Variants in TMEM255B observed in about 807,000 individuals in gnomAD.
The protein encoded by TMEM255B is transmembrane protein 255B.
In TMEM255B, 35 loss-of-function variants were observed where a neutral mutation model predicts 34.5. That is an observed-to-expected ratio of 1.01 (90% CI 0.77 to 1.34). The LOEUF is 1.34. Among genes scored for constraint, TMEM255B ranks in the 40% most tolerant of loss-of-function variants. The probability of loss-of-function intolerance (pLI) is 0.00; values close to 1 mark genes in which losing one functional copy is unlikely to be tolerated. For synonymous variants in TMEM255B, 206 were observed against 201.2 expected, an observed-to-expected ratio of 1.02 and a Z score of -0.20; for missense variants, 432 against 433.2, an observed-to-expected ratio of 1.00 and a Z score of 0.02.
chr13:113,793,840 G>A lies in TMEM255B; in HGVS notation c.253-1308G>A, dbSNP rs531543816. ...GGGGCTTCCAGGGAGGACCCCCAGC[G>A]GGCCTGTGGTGTGGAGGGTCAGAAG... On this transcript the variant is annotated intron_variant, in intron 3 of 8. Coordinates refer to ENST00000375353, the MANE Select transcript of TMEM255B (RefSeq NM_182614.4). Among the ~76,000 whole-genome samples the A allele has an allele frequency of 1.6e-4, 25 of 152,332 alleles. No individual in the cohort carries two copies. In the South Asian group the frequency reaches 2.7e-3, roughly 16 times the overall value.
At chr13:113,808,792 T>TGC (rs1555302322) in intron 8 of TMEM255B, among the ~76,000 whole-genome samples, 2 of 38,484 alleles carry the variant, frequency 5.2e-5, no homozygotes, top group African/African-American at 2.2e-4. Flanking sequence ...CTGTGGTTCC[T>TGC]GGGGGGGGGG....
At position 113,769,772 on chromosome 13, in the gene TMEM255B, T is replaced by G. The variant is rs1340317885; in HGVS notation, c.252+612T>G. The stretch of plus-strand genomic sequence containing the variant: ...TGCACTGTTTTGGGGACTATAACTT[T>G]AAAAACAAAAACTGGCTAATTTTGT... On this transcript the variant is annotated intron_variant, in intron 3 of 8. Transcript: ENST00000375353. The surrounding 1 kb of genome is among the most constrained non-coding windows in gnomAD (Gnocchi z 4.2). 6.6e-6 allele frequency: 1 copy of G among 152,272 alleles called. No individual in the cohort carries two copies. Among genetic ancestry groups the G allele is most frequent in the Non-Finnish European group, 1.5e-5 (1 of 68,176 alleles). The allele number at this position is 152,272 out of a possible 1,614,324, so 9.4% of individuals were successfully genotyped here.
chr13:113,807,787 G>A (rs576445628), intron 8 of TMEM255B, among the ~76,000 whole-genome samples: 2 of 140,340 alleles, frequency 1.4e-5, no homozygotes, highest in South Asian at 2.4e-4. Flanking sequence ...CGGGATGTGG[G>A]GGGCGGTCCT....
At chr13:113,809,401 C>T (rs1332997113) in intron 8 of TMEM255B, among the ~76,000 whole-genome samples, 1 of 120,700 alleles carries the variant, frequency 8.3e-6, no homozygotes, top group Non-Finnish European at 1.6e-5. Flanking sequence ...CTCTGTGGTT[C>T]CTGGATGTTT....
At chr13:113,765,560 C>T (rs896481953) in intron 1 of TMEM255B, among the ~76,000 whole-genome samples, 1 of 152,106 alleles carries the variant, frequency 6.6e-6, no homozygotes, top group Non-Finnish European at 1.5e-5. Flanking sequence ...TTTAAATCCC[C>T]TATTTTGTTT....
chr13:113,776,399 T>C (rs2050578489), intron 3 of TMEM255B, among the ~76,000 whole-genome samples: 1 of 152,208 alleles, frequency 6.6e-6, no homozygotes, highest in African/African-American at 2.4e-5. Context: ...TCGGCGGCTC[T>C]GGTTTCTTAA....
rs921245950 is a variant in TMEM255B, at chr13:113,770,408, C to T, written c.252+1248C>T. 2.6e-5 allele frequency among the ~76,000 whole-genome samples: 4 copies of T among 152,264 alleles called. No individual in the cohort carries two copies. The highest frequency in any genetic ancestry group is 9.6e-5 in the African/African-American group (4 of 41,558). On this transcript the variant is annotated intron_variant, in intron 3 of 8. Transcript: ENST00000375353. The surrounding 1 kb of genome is among the most constrained non-coding windows in gnomAD (Gnocchi z 4.6). ...AGATTTGGGTGAGGACACAGCCAAA[C>T]CATATCACCCCGCATGGGACCCAGC...
chr13:113,811,928 T>C lies in TMEM255B; in HGVS notation c.*25T>C. 1.3e-6 allele frequency: 2 copies of C among 1,543,246 alleles called. No individual in the cohort carries two copies. Among genetic ancestry groups the C allele is most frequent in the Non-Finnish European group, 8.7e-7 (1 of 1,149,524 alleles). ...ATAGAGGCGTGGAGTAAAAGATAACTTGTTTGTTTTTTTTTTTAAAAAAAA... is the reference window on the plus strand; with the variant it reads ...ATAGAGGCGTGGAGTAAAAGATAACCTGTTTGTTTTTTTTTTTAAAAAAAA... On this transcript the variant is annotated 3_prime_UTR_variant, in exon 9 of 9. Transcript: ENST00000375353.
At chr13:113,775,586 C>T (rs548931844) in intron 3 of TMEM255B, among the ~76,000 whole-genome samples, 6 of 152,362 alleles carry the variant, frequency 3.9e-5, no homozygotes, top group East Asian at 3.9e-4. Context: ...CCACAAGGGC[C>T]GGGTGTTCTG....
At chr13:113,788,898 CTCCT>C (rs1182868324) in intron 3 of TMEM255B, among the ~76,000 whole-genome samples, 2 of 152,300 alleles carry the variant, frequency 1.3e-5, no homozygotes, top group African/African-American at 4.8e-5. Context: ...CCCTCCCTCC[CTCCT>C]GCCCCACTCA....
chr13:113,759,290 G>A lies in TMEM255B; in HGVS notation c.21G>A (p.Gly7=), dbSNP rs137968415. The A allele has an allele frequency of 0.02, 24,679 of 1,229,184 alleles. 264 individuals are homozygous for A. Among genetic ancestry groups the A allele is most frequent in the Non-Finnish European group, 0.023 (22,252 of 986,280 alleles). The allele number at this position is 1,229,184 out of a possible 1,614,324, so 76.1% of individuals were successfully genotyped here. The stretch of plus-strand genomic sequence containing the variant: ...TCGGGATGCAGCCGCCGGTGCCCGG[G>A]CCCCTGGGCCTGCTGGACCCCGCAG... MQPPVP[G]PLGLLDPAEG... is the part of the protein sequence containing the mutation. The change falls in exon 1 of 9, where the codon GGG becomes GGA. Residue 7 remains glycine (G), a synonymous_variant. Coordinates refer to ENST00000375353, the MANE Select transcript of TMEM255B (RefSeq NM_182614.4).
At chr13:113,768,013 C>G in intron 2 of TMEM255B, 1 of 342,740 alleles carries the variant, frequency 2.9e-6, no homozygotes, top group East Asian at 8.2e-5. Flanking sequence ...GTGTACGTGT[C>G]TATCACCACA....
Position 113,801,854 on chromosome 13 carries a change from G to A in TMEM255B, c.669+42G>A, listed in dbSNP as rs562281687. 88 of 1,522,348 alleles carry A rather than the reference G, an allele frequency of 5.8e-5. 1 individual carries two copies. Among genetic ancestry groups the A allele is most frequent in the East Asian group, 2.9e-4 (12 of 41,548 alleles). The allele number at this position is 1,522,348 out of a possible 1,614,324, so 94.3% of individuals were successfully genotyped here. A position where few individuals can be genotyped will look rare whatever the true frequency, so the allele number is the denominator to read the frequency against. ...GGACCCCCGCTGCTCACTGGGAGCC[G>A]GGGCTCCGGGTCCATTTCCCCGGGG... On this transcript the variant is annotated intron_variant, in intron 7 of 8. Coordinates refer to ENST00000375353, the MANE Select transcript of TMEM255B (RefSeq NM_182614.4).
chr13:113,763,939 G>A (rs927259193), intron 1 of TMEM255B, among the ~76,000 whole-genome samples: 1 of 152,262 alleles, frequency 6.6e-6, no homozygotes, highest in Non-Finnish European at 1.5e-5. Context: ...GAGGGACTGA[G>A]AGGCGGAGCT....
chr13:113,804,917 C>T lies in TMEM255B; in HGVS notation c.702C>T (p.Ala234=), dbSNP rs200939158. The change falls in exon 8 of 9, where the codon GCC becomes GCT. Residue 234 remains alanine (A), a synonymous_variant. Transcript: ENST00000375353. The part of the protein sequence containing the change: ...VPLSQLAYGP[A]VPPQTLYNPA... ...TGTCCCAGCTGGCCTATGGCCCAGCCGTCCCACCACAGACCCTCTACAACC... is the reference window on the plus strand; with the variant it reads ...TGTCCCAGCTGGCCTATGGCCCAGCTGTCCCACCACAGACCCTCTACAACC... 1.6e-5 allele frequency: 26 copies of T among 1,603,338 alleles called. No individual in the cohort carries two copies. The highest frequency in any genetic ancestry group is 8.9e-5 in the East Asian group (4 of 44,822).
chr13:113,809,107 C>T (rs1388600539), intron 8 of TMEM255B, among the ~76,000 whole-genome samples: 62 of 79,062 alleles, frequency 7.8e-4, no homozygotes, highest in African/African-American at 2.1e-3. Context: ...CCATGGTTCC[C>T]GGGGGCTTAA....
chr13:113,765,432 G>A (rs1365616072), intron 1 of TMEM255B, among the ~76,000 whole-genome samples: 2 of 152,206 alleles, frequency 1.3e-5, no homozygotes, highest in African/African-American at 2.4e-5. Context: ...GGCCGTCATC[G>A]CTGCCAGCGG....
intron 1 of TMEM255B, among the ~76,000 whole-genome samples, chr13:113,761,693 C>T (rs546182292): frequency 9.2e-5 from 14 of 152,182 alleles, no homozygotes; most frequent in Non-Finnish European, 1.9e-4. Flanking sequence ...TTTACAAAAA[C>T]CTATATGAGA....
At chr13:113,772,039 T>A (rs1033847036) in intron 3 of TMEM255B, among the ~76,000 whole-genome samples, 9 of 152,236 alleles carry the variant, frequency 5.9e-5, no homozygotes, top group Non-Finnish European at 1.5e-5. Context: ...TCTAGCCATC[T>A]AATGTGTGAT....
Sources: gnomAD v4.1 joint callset for allele counts (sites outside exome capture counted in the v4.1 genomes callset) on GRCh38, gnomAD v4.1.1 for gene constraint, Gnocchi (gnomAD v3.1) non-coding constraint, MANE v1.5 for transcripts, NCBI Gene and HGNC (gene_info 2026-07-23, HGNC 2026-07-21) for gene names.